Variants in CHID1 observed in about 807,000 individuals in gnomAD.
CHID1 encodes chitinase domain-containing protein 1.
CHID1 carries 44 observed loss-of-function variants against 55.4 expected under a neutral mutation model. The observed-to-expected ratio is 0.79, with a 90% confidence interval of 0.62 to 1.02. The LOEUF (loss-of-function observed/expected upper bound fraction) is 1.02. Among genes scored for constraint, CHID1 ranks in the 50% least tolerant of loss-of-function variants. The pLI is 0.00. For synonymous variants in CHID1, 216 were observed against 212.9 expected, an observed-to-expected ratio of 1.01 and a Z score of -0.13; for missense variants, 491 against 515.3, an observed-to-expected ratio of 0.95 and a Z score of 0.46.
At chr11:910,162 G>C (rs1252106069) in intron 1 of CHID1, among the ~76,000 whole-genome samples, 2 of 152,130 alleles carry the variant, frequency 1.3e-5, no homozygotes, top group Non-Finnish European at 2.9e-5. Flanking sequence ...CGAGGCGGAC[G>C]GGCGGGCGGG....
chr11:895,499 C>T (rs370279321), intron 7 of CHID1, among the ~76,000 whole-genome samples: 3 of 152,166 alleles, frequency 2.0e-5, no homozygotes, highest in Non-Finnish European at 4.4e-5. Flanking sequence ...GCGCTCCTCA[C>T]GACAGACCCC....
chr11:913,152 C>CA (rs879264368), upstream of CHID1, among the ~76,000 whole-genome samples: 122 of 130,804 alleles, frequency 9.3e-4, no homozygotes, highest in African/African-American at 2.8e-3. Context: ...CCCCCCCCCG[C>CA]AAAAAAAAAA....
At chr11:905,966 A>T (rs1456188214) in intron 1 of CHID1, among the ~76,000 whole-genome samples, 4 of 152,242 alleles carry the variant, frequency 2.6e-5, no homozygotes, top group African/African-American at 4.8e-5. Flanking sequence ...TTCTACCCAT[A>T]ATCTATTCAT....
chr11:880,055 G>A lies in CHID1; in HGVS notation c.959+3093C>T, dbSNP rs545787107. Among the ~76,000 whole-genome samples the A allele has an allele frequency of 3.3e-5, 5 of 152,350 alleles. No individual in the cohort carries two copies. In the South Asian group the frequency reaches 1.0e-3, roughly 32 times the overall value. On this transcript the variant is annotated intron_variant, in intron 10 of 12. Transcript: ENST00000323578. ...AAGAACAGACAGTTGGGCAGACAGG[G>A]CGGCCGGGCCCCTCACTCTGCATTG...
intron 8 of CHID1, among the ~76,000 whole-genome samples, chr11:886,019 G>A (rs1850366033): frequency 6.6e-6 from 1 of 151,712 alleles, no homozygotes; most frequent in Non-Finnish European, 1.5e-5. Flanking sequence ...CGTGGTGGTG[G>A]GCGCCTGTAG....
In CHID1 at chr11:875,049, T is replaced by G. The variant is rs1303515327; in HGVS notation, c.960-4550A>C. Reference sequence around the variant, plus strand: ...ACGGGTCCAAGGGAGTGGAGCTGCTTCTGGCTGGTGGGAGGAGGGGCTTGC... The same window carrying G: ...ACGGGTCCAAGGGAGTGGAGCTGCTGCTGGCTGGTGGGAGGAGGGGCTTGC... On this transcript the variant is annotated intron_variant, in intron 10 of 12. Transcript: ENST00000323578. This position sits in a 1 kb window ranked among gnomAD's most constrained non-coding sequence, Gnocchi z 4.7. The G allele has an allele frequency of 6.5e-6, 1 of 153,048 alleles. No homozygotes were observed. Among genetic ancestry groups the G allele is most frequent in the Non-Finnish European group, 1.5e-5 (1 of 68,740 alleles). The allele number at this position is 153,048 out of a possible 1,614,324, so 9.5% of individuals were successfully genotyped here. A position where few individuals can be genotyped will look rare whatever the true frequency, so the allele number is the denominator to read the frequency against.
chr11:881,246 C>T (rs1424562961), intron 10 of CHID1, among the ~76,000 whole-genome samples: 1 of 151,990 alleles, frequency 6.6e-6, no homozygotes, highest in Non-Finnish European at 1.5e-5. Context: ...GAGTTCAAGA[C>T]CAGCCTGGAC....
chr11:875,808 T>C lies in CHID1; in HGVS notation c.960-5309A>G, dbSNP rs1205132076. ...GTGATGAGGACCACGTGCCTAAGATTCAATCCCTGCTGCTGCCGGCCTCCC... is the reference window on the plus strand; with the variant it reads ...GTGATGAGGACCACGTGCCTAAGATCCAATCCCTGCTGCTGCCGGCCTCCC... On this transcript the variant is annotated intron_variant, in intron 10 of 12. Transcript: ENST00000323578. This position sits in a 1 kb window ranked among gnomAD's most constrained non-coding sequence, Gnocchi z 4.7. 6.6e-6 allele frequency among the ~76,000 whole-genome samples: 1 copy of C among 151,996 alleles called. No individual in the cohort carries two copies. Among genetic ancestry groups the C allele is most frequent in the Non-Finnish European group, 1.5e-5 (1 of 68,004 alleles).
At chr11:870,361 C>T in intron 11 of CHID1, 58 bp downstream of exon 11, 1 of 1,458,398 alleles carries the variant, frequency 6.9e-7, no homozygotes, top group Non-Finnish European at 9.5e-7. Flanking sequence ...CATCTCCACC[C>T]CCAGGGCCCC....
Position 883,151 on chromosome 11 carries a change from G to A in CHID1, c.956C>T (p.Ala319Val), listed in dbSNP as rs778522335. 7 of 1,609,818 alleles carry A rather than the reference G, an allele frequency of 4.3e-6. No individual in the cohort carries two copies. In the East Asian group the frequency reaches 1.3e-4, roughly 31 times the overall value. ...GCAGGGAGAGCCCTTGGCTCACCTGGCCCCGACAACAGGCTCACGGGCATC... is the reference window on the plus strand; with the variant it reads ...GCAGGGAGAGCCCTTGGCTCACCTGACCCCGACAACAGGCTCACGGGCATC... ...SKDAREPVVG[A>V]RYIQTLKDHR... Residue 319 changes from alanine (A) to valine (V), a missense_variant, in exon 10 of 13, where the codon GCC becomes GTC. Ala to Val is a moderately conservative substitution (Grantham distance 64). Transcript: ENST00000323578.
intron 10 of CHID1, among the ~76,000 whole-genome samples, chr11:880,776 C>T (rs1849858371): frequency 6.6e-6 from 1 of 152,200 alleles, no homozygotes. Flanking sequence ...TGCAAAAACT[C>T]GTAAAGACGA....
intron 10 of CHID1, among the ~76,000 whole-genome samples, chr11:874,291 A>G (rs28450054): frequency 0.99 from 150,414 of 151,714 alleles, 74,578 homozygotes; most frequent in Middle Eastern, 1. Flanking sequence ...GTGAAACCCC[A>G]TCTCTACTAA....
intron 8 of CHID1, among the ~76,000 whole-genome samples, chr11:885,222 T>TCA (rs779125601): frequency 1.5e-4 from 23 of 152,190 alleles, no homozygotes; most frequent in Non-Finnish European, 3.4e-4. Flanking sequence ...GCCAAGGGCC[T>TCA]CAGTGCTGGG....
chr11:894,054 G>T (rs1474398709), intron 7 of CHID1, among the ~76,000 whole-genome samples: 2 of 150,428 alleles, frequency 1.3e-5, no homozygotes, highest in African/African-American at 4.9e-5. Flanking sequence ...CCCAGGAGGT[G>T]GAGGTTGCAG....
chr11:899,455 G>T, intron 6 of CHID1, 54 bp from the exon 7 acceptor site: 1 of 1,519,078 alleles, frequency 6.6e-7, no homozygotes, highest in Non-Finnish European at 9.0e-7. Context: ...AGGGATGGGT[G>T]GAAAGACAAG....
chr11:884,253 T>C lies in CHID1; in HGVS notation c.702-84A>G, dbSNP rs1850232078. On this transcript the variant is annotated intron_variant, in intron 8 of 12. Coordinates refer to ENST00000323578, the MANE Select transcript of CHID1 (RefSeq NM_023947.4). ...AGCTGCGGTTCGAGCAAGCTGCCTG[T>C]AGGGGACTTGGGTCACTTTTCCCAA... The C allele has an allele frequency of 7.8e-6, 8 of 1,019,396 alleles. 1 individual carries two copies. In the Admixed American group the frequency reaches 8.5e-5, roughly 11 times the overall value. The allele number at this position is 1,019,396 out of a possible 1,614,324, so 63.1% of individuals were successfully genotyped here. A position where few individuals can be genotyped will look rare whatever the true frequency, so the allele number is the denominator to read the frequency against.
chr11:872,005 C>G (rs1165821190), intron 10 of CHID1, among the ~76,000 whole-genome samples: 2 of 152,202 alleles, frequency 1.3e-5, no homozygotes, highest in Middle Eastern at 3.2e-3. Flanking sequence ...ACCCCCCCAG[C>G]AGTGCTCGAC....
At position 897,181 on chromosome 11, in the gene CHID1, C is replaced by T. The variant is rs546139221; in HGVS notation, c.608+2159G>A. ...CTGTCTCAGCACCCCCAGCCTCCAC[C>T]CCAGACACGAGCCTGTCTCAGCACC... On this transcript the variant is annotated intron_variant, in intron 7 of 12. Coordinates refer to ENST00000323578, the MANE Select transcript of CHID1 (RefSeq NM_023947.4). Among the ~76,000 whole-genome samples, 103 of 135,676 alleles carry T rather than the reference C, an allele frequency of 7.6e-4. 1 individual carries two copies. Among genetic ancestry groups the T allele is most frequent in the African/African-American group, 2.7e-3 (96 of 35,794 alleles). The allele number at this position is 135,676 out of a possible 152,430, so 89.0% of individuals were successfully genotyped here.
chr11:891,572 G>A (rs1013259815), intron 8 of CHID1, among the ~76,000 whole-genome samples: 5 of 152,176 alleles, frequency 3.3e-5, no homozygotes, highest in Admixed American at 6.5e-5. Flanking sequence ...GGTCCCCACC[G>A]ATGGCTGCTT....
Sources: allele counts gnomAD v4.1 joint callset (sites outside exome capture counted in the v4.1 genomes callset), GRCh38; gene constraint gnomAD v4.1.1; non-coding constraint Gnocchi (gnomAD v3.1); transcripts MANE v1.5; gene names NCBI Gene and HGNC (gene_info 2026-07-23, HGNC 2026-07-21).